The following HM13 variants were observed in gnomAD, a reference collection of about 807,000 sequenced individuals.
HM13 encodes histocompatibility minor 13.
HM13 carries 18 observed loss-of-function variants against 50.0 expected under a neutral mutation model. The ratio of observed to expected loss-of-function variants is 0.36; its 90% confidence interval spans 0.25 to 0.53. The LOEUF (loss-of-function observed/expected upper bound fraction) is 0.53, where lower values mean the gene tolerates loss of function less well. Among genes scored for constraint, HM13 ranks in the 20% least tolerant of loss-of-function variants. HM13 has a pLI of 0.90. For missense variants in HM13, 393 were observed against 552.4 expected (o/e 0.71, Z 2.89); for synonymous variants, 197 against 232.6 (o/e 0.85, Z 1.39).
At position 31,545,001 on chromosome 20, in the gene HM13, G is replaced by A. The variant is rs1983632461; in HGVS notation, c.420G>A (p.Leu140=). The A allele has an allele frequency of 6.2e-7, 1 of 1,614,186 alleles. No homozygotes were observed. The highest frequency in any genetic ancestry group is 8.5e-7 in the Non-Finnish European group (1 of 1,180,018). The change falls in exon 4 of 13, where the codon CTG becomes CTA. Residue 140 remains leucine (L), a synonymous_variant. Transcript: ENST00000398174. The stretch of plus-strand genomic sequence containing the variant: ...GCTTTCCAAATCGACAGTACCAGCT[G>A]CTCTTCACACAGGGTTCTGGGGAAA... ...PASFPNRQYQ[L]LFTQGSGENK...
intron 8 of HM13, among the ~76,000 whole-genome samples, chr20:31,555,465 G>A (rs1984257534): frequency 6.6e-6 from 1 of 152,190 alleles, no homozygotes; most frequent in Non-Finnish European, 1.5e-5. Context: ...AAGCAGGATA[G>A]CACATCCTGC....
chr20:31,549,080 G>A lies in HM13; in HGVS notation c.506G>A (p.Ser169Asn). The A allele has an allele frequency of 6.2e-7, 1 of 1,614,160 alleles. No individual in the cohort carries two copies. The highest frequency in any genetic ancestry group is 8.5e-7 in the Non-Finnish European group (1 of 1,180,004). Reference sequence around the variant, plus strand: ...AAGGACCTGGTGTGCCTGGGCCTGAGCAGCATCGTTGGCGTCTGGTACCTG... The same window carrying A: ...AAGGACCTGGTGTGCCTGGGCCTGAACAGCATCGTTGGCGTCTGGTACCTG... ...DTKDLVCLGLSSIVGVWYLLR... is the reference protein window; with the variant it reads ...DTKDLVCLGLNSIVGVWYLLR... The change falls in exon 5 of 13, where the codon AGC becomes AAC. Residue 169 changes from serine to asparagine, a missense_variant. By Grantham distance (46) the Ser-to-Asn change is conservative. Coordinates refer to ENST00000398174, the MANE Select transcript of HM13 (RefSeq NM_178581.3).
chr20:31,568,253 G>T, intron 12 of HM13, 29 bp downstream of exon 12: 3 of 1,606,560 alleles, frequency 1.9e-6, no homozygotes, highest in South Asian at 2.2e-5. Context: ...CCACCTGCCC[G>T]CTTCCCCCTA....
At chr20:31,556,014 A>G (rs977208099) in intron 8 of HM13, among the ~76,000 whole-genome samples, 21 of 149,880 alleles carry the variant, frequency 1.4e-4, no homozygotes, top group African/African-American at 5.2e-4. Flanking sequence ...GACCATATAT[A>G]TATATAAAAT....
chr20:31,548,918 C>A, intron 4 of HM13, 111 bp from the exon 5 acceptor site: 1 of 945,852 alleles, frequency 1.1e-6, no homozygotes, highest in Non-Finnish European at 1.7e-6. Context: ...GCCCCGCCAG[C>A]CTGTGAACCT....
At chr20:31,533,165 C>T (rs1301726343) in intron 2 of HM13, among the ~76,000 whole-genome samples, 2 of 152,228 alleles carry the variant, frequency 1.3e-5, no homozygotes, top group African/African-American at 4.8e-5. Flanking sequence ...TTCCTCCCCT[C>T]CTCCTGGTTG....
chr20:31,542,265 T>C (rs977977663), intron 3 of HM13, among the ~76,000 whole-genome samples: 2 of 152,154 alleles, frequency 1.3e-5, no homozygotes, highest in African/African-American at 4.8e-5. Flanking sequence ...ACCCAAGACA[T>C]CCTTCCTGCA....
At chr20:31,530,313 CTTATG>C (rs1982736435) in intron 2 of HM13, among the ~76,000 whole-genome samples, 1 of 151,954 alleles carries the variant, frequency 6.6e-6, no homozygotes, top group Non-Finnish European at 1.5e-5. Context: ...TAAATCTATA[CTTATG>C]TTAAATTATA....
intron 8 of HM13, 22 bp from the exon 9 acceptor site, chr20:31,559,589 T>A: frequency 1.2e-6 from 2 of 1,614,070 alleles, no homozygotes; most frequent in Non-Finnish European, 1.7e-6. Flanking sequence ...TGCCACTCTC[T>A]AACCCCAGCT....
intron 2 of HM13, among the ~76,000 whole-genome samples, chr20:31,531,125 A>G (rs1982790588): frequency 6.7e-6 from 1 of 149,516 alleles, no homozygotes; most frequent in South Asian, 2.1e-4. Context: ...GCTCACTGCA[A>G]CCTCCACCTC....
At chr20:31,527,428 G>T in intron 1 of HM13, 56 bp from the exon 2 acceptor site, 1 of 1,248,118 alleles carries the variant, frequency 8.0e-7, no homozygotes. Context: ...GCAGAGCCTT[G>T]CAGGAACATA....
At position 31,567,462 on chromosome 20, in the gene HM13, C is replaced by T. The variant is rs566327458; in HGVS notation, c.1035-616C>T. On this transcript the variant is annotated intron_variant, in intron 11 of 12. Transcript: ENST00000398174. ...GTACCCTGCCCCCACTGTTTGCCCTCCACTCCCACCCTGGACATTCTTAGA... is the reference window on the plus strand; with the variant it reads ...GTACCCTGCCCCCACTGTTTGCCCTTCACTCCCACCCTGGACATTCTTAGA... Among the ~76,000 whole-genome samples the T allele has an allele frequency of 1.1e-4, 16 of 152,202 alleles. No homozygotes were observed. In the South Asian group the frequency reaches 3.3e-3, roughly 32 times the overall value.
At chr20:31,554,548 G>C (rs184861012) in intron 7 of HM13, 198 bp from the exon 8 acceptor site, 3 of 526,036 alleles carry the variant, frequency 5.7e-6, no homozygotes, top group East Asian at 6.7e-5. Flanking sequence ...TGGGTGCGGT[G>C]GTGGGCGCCT....
At chr20:31,552,639 TCTGC>T (rs1365327620) in intron 7 of HM13, among the ~76,000 whole-genome samples, 5 of 152,218 alleles carry the variant, frequency 3.3e-5, no homozygotes, top group African/African-American at 1.2e-4. Context: ...GAATCTCAGC[TCTGC>T]CACTTGCTGA....
chr20:31,528,722 C>G (rs1190299393), intron 2 of HM13, among the ~76,000 whole-genome samples: 1 of 152,200 alleles, frequency 6.6e-6, no homozygotes, highest in Non-Finnish European at 1.5e-5. Context: ...CATGATCCAC[C>G]CGCCTTGGCC....
At chr20:31,566,165 A>C in intron 10 of HM13, 45 bp from the exon 11 acceptor site, 1 of 1,480,684 alleles carries the variant, frequency 6.8e-7, no homozygotes. Flanking sequence ...GCCCTGAGGC[A>C]GTGCCGTGCC....
chr20:31,546,332 G>A (rs890596840), intron 4 of HM13, among the ~76,000 whole-genome samples: 6 of 152,054 alleles, frequency 3.9e-5, no homozygotes, highest in Non-Finnish European at 8.8e-5. Flanking sequence ...CACCGCGCCC[G>A]GCCGTAGCAC....
intron 1 of HM13, among the ~76,000 whole-genome samples, chr20:31,522,880 C>T (rs1160034505): frequency 6.6e-6 from 1 of 152,086 alleles, no homozygotes; most frequent in Non-Finnish European, 1.5e-5. Flanking sequence ...AATCACTTTC[C>T]CAAGGTCCCA....
intron 1 of HM13, among the ~76,000 whole-genome samples, chr20:31,523,965 C>T (rs542624557): frequency 1.2e-4 from 18 of 152,320 alleles, no homozygotes; most frequent in African/African-American, 4.3e-4. Context: ...CATGCATAGG[C>T]AAGGGTGTGG....
Sources: allele counts gnomAD v4.1 joint callset (sites outside exome capture counted in the v4.1 genomes callset), GRCh38; gene constraint gnomAD v4.1.1; transcripts MANE v1.5; gene names NCBI Gene and HGNC (gene_info 2026-07-23, HGNC 2026-07-21).